EBF1: variants seen among roughly 807,000 people sequenced by gnomAD.
EBF1 encodes the protein transcription factor COE1.
A neutral mutation model predicts 68.4 loss-of-function variants in EBF1; 10 were observed. The observed-to-expected ratio is 0.15, with a 90% CI of 0.09 to 0.25. The LOEUF (loss-of-function observed/expected upper bound fraction) is 0.25, where lower values mean the gene tolerates loss of function less well. EBF1 is among the 10% of genes least tolerant of loss of function. EBF1 has a pLI of 1.00. For missense variants in EBF1, 509 were observed against 794.4 expected (o/e 0.64, Z 4.32); for synonymous variants, 298 against 299.8 (o/e 0.99, Z 0.06).
At chr5:159,065,036 C>T (rs1003640140) in intron 6 of EBF1, among the ~76,000 whole-genome samples, 14 of 149,458 alleles carry the variant, frequency 9.4e-5, no homozygotes, top group Admixed American at 1.4e-4. Context: ...TGTGAGGGGG[C>T]TTCAGCCAAT....
At chr5:158,819,288 A>C (rs988822578) in intron 8 of EBF1, among the ~76,000 whole-genome samples, 1 of 152,250 alleles carries the variant, frequency 6.6e-6, no homozygotes, top group Admixed American at 6.5e-5. Flanking sequence ...ATGGTACATA[A>C]AGTAATTTAG....
intron 10 of EBF1, among the ~76,000 whole-genome samples, chr5:158,740,806 C>A (rs1346761852): frequency 6.6e-6 from 1 of 152,142 alleles, no homozygotes; most frequent in East Asian, 1.9e-4. Flanking sequence ...GTCTCCTCCC[C>A]CTGACTATTA....
chr5:158,875,056 T>TAC (rs3035121), intron 6 of EBF1, among the ~76,000 whole-genome samples: 41,730 of 146,954 alleles, frequency 0.28, 6,077 homozygotes, highest in East Asian at 0.44. Flanking sequence ...CACACACACA[T>TAC]ACACACACAC....
At chr5:158,926,768 G>T (rs76594078) in intron 6 of EBF1, among the ~76,000 whole-genome samples, 1 of 150,486 alleles carries the variant, frequency 6.6e-6, no homozygotes, top group Admixed American at 6.6e-5. Flanking sequence ...AAGAAAGAAA[G>T]AACTATCTTA....
At chr5:158,989,130 C>A (rs1759743474) in intron 6 of EBF1, among the ~76,000 whole-genome samples, 1 of 152,186 alleles carries the variant, frequency 6.6e-6, no homozygotes, top group Non-Finnish European at 1.5e-5. Context: ...AGCAAATCCT[C>A]CCACCCACCT....
intron 6 of EBF1, among the ~76,000 whole-genome samples, chr5:159,012,041 C>T (rs1764770200): frequency 1.3e-5 from 2 of 152,140 alleles, no homozygotes; most frequent in African/African-American, 4.8e-5. Context: ...GTAATCCCAG[C>T]ACTTTGGGAG....
At chr5:159,041,968 C>T (rs1771285532) in intron 6 of EBF1, among the ~76,000 whole-genome samples, 1 of 152,030 alleles carries the variant, frequency 6.6e-6, no homozygotes, top group Non-Finnish European at 1.5e-5. Flanking sequence ...CTGATCTATC[C>T]AAAAGAGAAA....
intron 6 of EBF1, among the ~76,000 whole-genome samples, chr5:158,933,850 C>A (rs538197586): frequency 3.3e-5 from 5 of 152,116 alleles, no homozygotes; most frequent in Non-Finnish European, 7.4e-5. Context: ...ACAAAAGAAC[C>A]CAAATGAATA....
chr5:158,779,016 A>G (rs1310140789), intron 9 of EBF1, among the ~76,000 whole-genome samples: 1 of 152,036 alleles, frequency 6.6e-6, no homozygotes, highest in East Asian at 1.9e-4. Context: ...GAAATCAGGA[A>G]ATCGAGTTTA....
intron 6 of EBF1, among the ~76,000 whole-genome samples, chr5:158,864,224 A>C (rs941650783): frequency 1.6e-5 from 1 of 62,194 alleles, no homozygotes; most frequent in Admixed American, 1.2e-4. Context: ...ACTCTGTCTC[A>C]AAAAAAAAAA....
chr5:158,986,451 C>T (rs538221029), intron 6 of EBF1: 1 of 152,296 alleles, frequency 6.6e-6, no homozygotes, highest in Non-Finnish European at 1.5e-5. Flanking sequence ...AGTGCTGCAT[C>T]CCCAGGTAAA....
At position 158,711,674 on chromosome 5, in the gene EBF1, CTT is replaced by C. The variant is rs374478313; in HGVS notation, c.1549+478_1549+479del. On this transcript the variant is annotated intron_variant, in intron 14 of 15. Transcript: ENST00000313708. ...TTGTTTATGGGGGTTTTTTTGTTTG[CTT>C]TTTTTTTTTCTTTGAGACGGAGTCT... 4.1e-5 allele frequency among the ~76,000 whole-genome samples: 6 copies of C among 146,612 alleles called. No individual in the cohort carries two copies. In the South Asian group the frequency reaches 8.6e-4, roughly 21 times the overall value.
chr5:159,030,058 T>A (rs1257010464), intron 6 of EBF1, among the ~76,000 whole-genome samples: 1 of 150,082 alleles, frequency 6.7e-6, no homozygotes. Context: ...AAGAAGGTAA[T>A]TTATTATCCA....
At chr5:159,071,711 C>T (rs937129651) in intron 6 of EBF1, among the ~76,000 whole-genome samples, 1 of 150,194 alleles carries the variant, frequency 6.7e-6, no homozygotes, top group Non-Finnish European at 1.5e-5. Flanking sequence ...AAACGAAGAA[C>T]TTAAAAGCTT....
chr5:158,756,672 C>CT lies in EBF1; in HGVS notation c.1036+20740dup, dbSNP rs369078982. Among the ~76,000 whole-genome samples the CT allele has an allele frequency of 2.1e-3, 317 of 149,784 alleles. 2 individuals are homozygous for CT. The highest frequency in any genetic ancestry group is 6.6e-3 in the African/African-American group (270 of 40,754). ...ATGCAAACTCTATCCTTGCAGCTGC[C>CT]TTTTTTTTTAATTCCCCAGTAAACA... is the stretch of plus-strand genomic sequence containing the variant. On this transcript the variant is annotated intron_variant, in intron 10 of 15. Transcript: ENST00000313708.
intron 11 of EBF1, among the ~76,000 whole-genome samples, chr5:158,722,780 C>G (rs1762201812): frequency 1.3e-5 from 2 of 152,120 alleles, no homozygotes; most frequent in African/African-American, 4.8e-5. Context: ...ACTTATTACT[C>G]TAATGCTCCA....
chr5:158,929,323 G>T (rs917185486), intron 6 of EBF1, among the ~76,000 whole-genome samples: 5 of 152,176 alleles, frequency 3.3e-5, no homozygotes, highest in Non-Finnish European at 5.9e-5. Flanking sequence ...AGGCGACAAA[G>T]CTTCTTTAGA....
Position 158,763,675 on chromosome 5 carries a change from G to C in EBF1, c.1036+13738C>G, listed in dbSNP as rs144984693. On this transcript the variant is annotated intron_variant, in intron 10 of 15. Coordinates refer to ENST00000313708, the MANE Select transcript of EBF1 (RefSeq NM_024007.5). ...TTACTGAAAGATTCATGAAATTAGA[G>C]AAATAAAGAGTTTATCAAACGACCA... is the stretch of plus-strand genomic sequence containing the variant. Among the ~76,000 whole-genome samples the C allele has an allele frequency of 5.5e-3, 840 of 152,242 alleles. 13 individuals are homozygous for C. Among genetic ancestry groups the C allele is most frequent in the African/African-American group, 0.02 (812 of 41,546 alleles).
chr5:158,818,125 C>T (rs150633896), intron 8 of EBF1, among the ~76,000 whole-genome samples: 72 of 152,258 alleles, frequency 4.7e-4, no homozygotes, highest in African/African-American at 1.7e-3. Flanking sequence ...CCCACAGAAG[C>T]AAAGTGACCT....
Sources: gnomAD v4.1 joint callset for allele counts (sites outside exome capture counted in the v4.1 genomes callset) on GRCh38, gnomAD v4.1.1 for gene constraint, MANE v1.5 for transcripts, NCBI Gene and HGNC (gene_info 2026-07-23, HGNC 2026-07-21) for gene names.